Variants in THNSL2 observed in about 807,000 individuals in gnomAD.
THNSL2 encodes threonine synthase like 2, also known as threonine synthase-like 2.
A neutral mutation model predicts 40.0 loss-of-function variants in THNSL2; 34 were observed. The observed-to-expected ratio is 0.85, with a 90% confidence interval of 0.65 to 1.13. THNSL2 has a LOEUF of 1.13. Ranked by LOEUF, THNSL2 falls within the 50% of genes most tolerant of loss-of-function variation. THNSL2 has a pLI of 0.00. For synonymous variants in THNSL2, 241 were observed against 247.5 expected, an observed-to-expected ratio of 0.97 and a Z score of 0.25; for missense variants, 537 against 608.8, an observed-to-expected ratio of 0.88 and a Z score of 1.24.
chr2:88,178,845 G>A lies in THNSL2; in HGVS notation c.634G>A (p.Val212Ile), dbSNP rs771206889. The change falls in exon 5 of 9, where the codon GTC becomes ATC. Residue 212 changes from valine to isoleucine, a missense_variant. Transcript: ENST00000674334. The part of the protein sequence containing the change: ...IKTVFADVAF[V>I]KKHNLMSLNS... Reference sequence around the variant, plus strand: ...GACTGTGTTTGCCGATGTGGCTTTTGTCAAGAAGCACAATCTGATGAGCCT... The same window carrying A: ...GACTGTGTTTGCCGATGTGGCTTTTATCAAGAAGCACAATCTGATGAGCCT... The A allele has an allele frequency of 6.2e-7, 1 of 1,614,192 alleles. No individual in the cohort carries two copies. Among genetic ancestry groups the A allele is most frequent in the Admixed American group, 1.7e-5 (1 of 60,024 alleles).
At chr2:88,185,849 C>T (rs757769420) in intron 8 of THNSL2, 49 bp from the exon 9 acceptor site, 16 of 1,551,368 alleles carry the variant, frequency 1.0e-5, no homozygotes, top group Non-Finnish European at 1.4e-5. Flanking sequence ...TTTCCCATCT[C>T]TCTATTCTCT....
Position 88,173,375 on chromosome 2 carries a change from T to C in THNSL2, c.223+2T>C. On this transcript the variant is annotated splice_donor_variant, in intron 2 of 8. Coordinates refer to ENST00000674334, the MANE Select transcript of THNSL2 (RefSeq NM_018271.5). LOFTEE classifies it high-confidence loss of function. Reference sequence around the variant, plus strand: ...TCCTTCCAAAAGATGAATTAAATGGTGAGTGCTCCCACCTGTACTTTCACT... The same window carrying C: ...TCCTTCCAAAAGATGAATTAAATGGCGAGTGCTCCCACCTGTACTTTCACT... 1.3e-6 allele frequency: 2 copies of C among 1,598,094 alleles called. No homozygotes were observed. Among genetic ancestry groups the C allele is most frequent in the South Asian group, 2.2e-5 (2 of 90,320 alleles).
Position 88,173,302 on chromosome 2 carries a change from A to C in THNSL2, c.152A>C (p.Tyr51Ser). The change falls in exon 2 of 9, where the codon TAT (tyrosine) becomes TCT (serine). Residue 51 changes from tyrosine (Y) to serine (S), a missense_variant. Tyr to Ser is a moderately radical substitution (Grantham distance 144). Transcript: ENST00000674334. ...CTGTGCCAGTGGAGCACACTCTCCT[A>C]TCCTGGCCTGGTGAAGGAGCTGTGT... is the stretch of plus-strand genomic sequence containing the variant. ...GTLCQWSTLS[Y>S]PGLVKELCAL... 6.2e-7 allele frequency: 1 copy of C among 1,612,670 alleles called. No individual in the cohort carries two copies.
At chr2:88,175,477 A>G in intron 4 of THNSL2, 76 bp downstream of exon 4, 2 of 1,559,114 alleles carry the variant, frequency 1.3e-6, no homozygotes, top group South Asian at 2.4e-5. Context: ...ATGGACTGGA[A>G]CAAAATTGCA....
intron 4 of THNSL2, among the ~76,000 whole-genome samples, 157 bp from the exon 5 acceptor site, chr2:88,178,626 T>C (rs1208821436): frequency 1.3e-5 from 2 of 152,124 alleles, no homozygotes; most frequent in Non-Finnish European, 2.9e-5. Context: ...TGAGTCTAGA[T>C]AGTGAGGCCA....
At chr2:88,182,906 G>C in intron 6 of THNSL2, 42 bp from the exon 7 acceptor site, 1 of 1,612,466 alleles carries the variant, frequency 6.2e-7, no homozygotes, top group Non-Finnish European at 8.5e-7. Context: ...GGGCTCGATG[G>C]GGCTGAGATC....
At chr2:88,172,558 C>CAAGAA (rs1676478490) in intron 1 of THNSL2, 2 of 152,150 alleles carry the variant, frequency 1.3e-5, no homozygotes, top group South Asian at 4.1e-4. Context: ...ACGTTAGACT[C>CAAGAA]TCTTGAGGAG....
chr2:88,175,221 G>A, intron 3 of THNSL2, 28 bp from the exon 4 acceptor site: 1 of 1,608,620 alleles, frequency 6.2e-7, no homozygotes. Flanking sequence ...GTTCTAAAGG[G>A]GGAGAGTTCT....
chr2:88,185,241 T>C, intron 7 of THNSL2, 87 bp from the exon 8 acceptor site: 1 of 1,523,072 alleles, frequency 6.6e-7, no homozygotes, highest in Non-Finnish European at 8.8e-7. Context: ...CTGGGGTTTG[T>C]GTGGATCTGT....
At chr2:88,182,920 C>A (rs1453594203) in intron 6 of THNSL2, 28 bp from the exon 7 acceptor site, 2 of 1,614,016 alleles carry the variant, frequency 1.2e-6, no homozygotes, top group East Asian at 4.5e-5. Flanking sequence ...TGAGATCAGT[C>A]TGGACCTGAA....
Position 88,178,881 on chromosome 2 carries a change from A to T in THNSL2, c.670A>T (p.Asn224Tyr). Residue 224 changes from asparagine (N) to tyrosine (Y), a missense_variant, in exon 5 of 9, where the codon AAC (asparagine) becomes TAC (tyrosine). Physicochemically the swap from Asn to Tyr is moderately radical, Grantham distance 143. Transcript: ENST00000674334. The stretch of plus-strand genomic sequence containing the variant: ...CAATCTGATGAGCCTGAATTCGATC[A>T]ACTGGTCCCGGGTCCTGGTGCAGAT... Reference protein sequence around the residue: ...KHNLMSLNSINWSRVLVQMAH... With the variant: ...KHNLMSLNSIYWSRVLVQMAH... 6.2e-7 allele frequency: 1 copy of T among 1,614,200 alleles called. No homozygotes were observed. Among genetic ancestry groups the T allele is most frequent in the Non-Finnish European group, 8.5e-7 (1 of 1,180,036 alleles).
At chr2:88,182,483 T>C (rs2104259921) in intron 5 of THNSL2, 1 of 442,028 alleles carries the variant, frequency 2.3e-6, no homozygotes, top group Non-Finnish European at 3.9e-6. Flanking sequence ...GCAACAGTTC[T>C]TTATATATTC....
intron 5 of THNSL2, among the ~76,000 whole-genome samples, chr2:88,180,644 G>C (rs1167352379): frequency 6.6e-6 from 1 of 151,950 alleles, no homozygotes; most frequent in Non-Finnish European, 1.5e-5. Context: ...ACTCCCCTTA[G>C]CTACTCACCA....
chr2:88,172,034 G>GC (rs1422307834), intron 1 of THNSL2: 4 of 152,312 alleles, frequency 2.6e-5, no homozygotes. Flanking sequence ...CATGTAGGTA[G>GC]AGAGCTTTGG....
chr2:88,174,529 T>G, intron 2 of THNSL2, 110 bp from the exon 3 acceptor site: 1 of 1,122,390 alleles, frequency 8.9e-7, no homozygotes, highest in Admixed American at 2.5e-5. Context: ...AAGATGAAGA[T>G]TTTTGGCCTT....
chr2:88,183,058 G>C lies in THNSL2; in HGVS notation c.1062G>C (p.Lys354Asn). ...GGACCCAAAGTGTGAATCTGCCCAA[G>C]GAACTGCACAGCAAGGTCAGTCACT... Reference protein sequence around the residue: ...FERTQSVNLPKELHSKLSEAV... With the variant: ...FERTQSVNLPNELHSKLSEAV... The change falls in exon 7 of 9, where the codon AAG (lysine) becomes AAC (asparagine). Residue 354 changes from lysine to asparagine, a missense_variant. Transcript: ENST00000674334. 6.2e-7 allele frequency: 1 copy of C among 1,613,174 alleles called. No individual in the cohort carries two copies. The highest frequency in any genetic ancestry group is 8.5e-7 in the Non-Finnish European group (1 of 1,179,948).
In THNSL2 at chr2:88,175,387, T is replaced by C. The variant is rs1276519406; in HGVS notation, c.557T>C (p.Val186Ala). The C allele has an allele frequency of 6.2e-7, 1 of 1,614,160 alleles. No individual in the cohort carries two copies. ...ATGACAACGGTGCTGAAGCAGAACG[T>C]ACATGTGTTTGGAGGTGTGTGCTGA... ...LQMTTVLKQN[V>A]HVFGVEGNSD... Residue 186 changes from valine (V) to alanine (A), a missense_variant, in exon 4 of 9, where the codon GTA becomes GCA. Val to Ala is a moderately conservative substitution (Grantham distance 64, BLOSUM62 0). Transcript: ENST00000674334.
In THNSL2 at chr2:88,173,218, A is replaced by G. The variant is rs151033743; in HGVS notation, c.68A>G (p.Tyr23Cys). The change falls in exon 2 of 9, where the codon TAT (tyrosine) becomes TGT (cysteine). Residue 23 changes from tyrosine to cysteine, a missense_variant. Tyr to Cys is a radical substitution (Grantham distance 194, BLOSUM62 -2). Coordinates refer to ENST00000674334, the MANE Select transcript of THNSL2 (RefSeq NM_018271.5). Reference protein sequence around the residue: ...VNFEGALFSGYAPDGGLFMPE... With the variant: ...VNFEGALFSGCAPDGGLFMPE... The stretch of plus-strand genomic sequence containing the variant: ...TTTGAGGGGGCCCTCTTCTCTGGCT[A>G]TGCACCTGACGGGGGCCTCTTTATG... The G allele has an allele frequency of 9.8e-5, 158 of 1,610,416 alleles. 1 individual carries two copies. The African/African-American group carries it at 1.7e-3, about 17-fold the overall frequency.
chr2:88,174,900 T>C, intron 3 of THNSL2, 67 bp downstream of exon 3: 1 of 1,551,364 alleles, frequency 6.4e-7, no homozygotes, highest in Non-Finnish European at 8.8e-7. Flanking sequence ...ACCTATAGGA[T>C]GCTGTTCATA....
Sources: gnomAD v4.1 joint callset for allele counts (sites outside exome capture counted in the v4.1 genomes callset) on GRCh38, gnomAD v4.1.1 for gene constraint, MANE v1.5 for transcripts, NCBI Gene and HGNC (gene_info 2026-07-23, HGNC 2026-07-21) for gene names.